Variants in PHACTR2 observed in about 807,000 individuals in gnomAD.
PHACTR2 encodes the protein phosphatase and actin regulator 2.
A neutral mutation model predicts 76.0 loss-of-function variants in PHACTR2; 30 were observed. The observed-to-expected ratio is 0.39, with a 90% CI of 0.30 to 0.54. The LOEUF (loss-of-function observed/expected upper bound fraction) is 0.54, where lower values mean the gene tolerates loss of function less well. Ranked by LOEUF, PHACTR2 falls within the 20% of genes least tolerant of loss-of-function variation. The probability of loss-of-function intolerance (pLI) is 0.61; values close to 1 mark genes in which losing one functional copy is unlikely to be tolerated. For missense variants in PHACTR2, 696 were observed against 781.1 expected (o/e 0.89, Z 1.30); for synonymous variants, 292 against 292.5 (o/e 1.00, Z 0.02).
In PHACTR2 at chr6:143,795,491, A is replaced by C. The variant is rs1177930872; in HGVS notation, c.1845+6581A>C. ...GAGCACTAGAAACAGATATATGTAC[A>C]GTAAAATAGAGATGGCCTGGTTTCC... On this transcript the variant is annotated intron_variant, in intron 11 of 12. Transcript: ENST00000440869. The surrounding 1 kb of genome is among the most constrained non-coding windows in gnomAD (Gnocchi z 4.8). Among the ~76,000 whole-genome samples the C allele has an allele frequency of 6.6e-6, 1 of 152,262 alleles. No individual in the cohort carries two copies. The highest frequency in any genetic ancestry group is 6.5e-5 in the Admixed American group (1 of 15,286).
In PHACTR2 at chr6:143,558,294, T is replaced by G. The variant is rs1212583124; in HGVS notation, c.217+21087T>G. ...TAGGTGTGAAATAATATTGTGGTTG[T>G]GTTTTAAGAAAGAGTTTTCCCCTAT... On this transcript the variant is annotated intron_variant, in intron 1 of 11. Transcript: ENST00000367584. This position sits in a 1 kb window ranked among gnomAD's most constrained non-coding sequence, Gnocchi z 4.7. 6.6e-6 allele frequency among the ~76,000 whole-genome samples: 1 copy of G among 152,194 alleles called. No homozygotes were observed. Among genetic ancestry groups the G allele is most frequent in the African/African-American group, 2.4e-5 (1 of 41,448 alleles).
chr6:143,788,401 A>T (rs1775600911), intron 10 of PHACTR2, among the ~76,000 whole-genome samples: 1 of 152,202 alleles, frequency 6.6e-6, no homozygotes, highest in South Asian at 2.1e-4. Context: ...TTTTGCCTTG[A>T]TAATTCAATC....
At chr6:143,712,585 C>T (rs191985664) in intron 2 of PHACTR2, among the ~76,000 whole-genome samples, 168 of 151,546 alleles carry the variant, frequency 1.1e-3, no homozygotes, top group South Asian at 2.1e-3. Flanking sequence ...AAATATTTAA[C>T]GATTTAACTA....
chr6:143,728,214 TTC>T (rs368740831), intron 2 of PHACTR2, among the ~76,000 whole-genome samples: 6,477 of 137,148 alleles, frequency 0.047, 406 homozygotes, highest in African/African-American at 0.13. Flanking sequence ...TTTTTTTTCT[TTC>T]TTTTTTTTTT....
rs1776811404 is a variant in PHACTR2 at position 143,654,356 on chromosome 6, A to C, written c.13+46034A>C. 6.6e-6 allele frequency among the ~76,000 whole-genome samples: 1 copy of C among 152,244 alleles called. No individual in the cohort carries two copies. Among genetic ancestry groups the C allele is most frequent in the Non-Finnish European group, 1.5e-5 (1 of 68,042 alleles). ...TACTTCTAGGTATATACCCAAAAAA[A>C]TGAAAACATATATTCACCAGAAACT... On this transcript the variant is annotated intron_variant, in intron 1 of 11. Coordinates refer to the PHACTR2 transcript ENST00000305766. This position sits in a 1 kb window ranked among gnomAD's most constrained non-coding sequence, Gnocchi z 4.6.
At position 143,690,060 on chromosome 6, in the gene PHACTR2, G is replaced by A. The variant is rs143628427; in HGVS notation, c.46+11851G>A. ...TCCATGTAATAGCAGAAATGCCAACGATAGCTAAGGCTTGTGGTAAACCAC... is the reference window on the plus strand; with the variant it reads ...TCCATGTAATAGCAGAAATGCCAACAATAGCTAAGGCTTGTGGTAAACCAC... On this transcript the variant is annotated intron_variant, in intron 1 of 12. Coordinates refer to ENST00000440869, the MANE Select transcript of PHACTR2 (RefSeq NM_001100164.2). Among the ~76,000 whole-genome samples the A allele has an allele frequency of 9.1e-3, 1,391 of 152,314 alleles. 36 individuals are homozygous for A. The highest frequency in any genetic ancestry group is 0.069 in the Admixed American group (1,055 of 15,302).
rs558535898 is a variant in PHACTR2, at chr6:143,625,961, T to C, written c.13+17639T>C. ...AGTTTCTTTCCAGTGACTGGCCATCTAAATGTGACTGGGTTACAAAATTTG... is the reference window on the plus strand; with the variant it reads ...AGTTTCTTTCCAGTGACTGGCCATCCAAATGTGACTGGGTTACAAAATTTG... On this transcript the variant is annotated intron_variant, in intron 1 of 11. Coordinates refer to the PHACTR2 transcript ENST00000305766. This position sits in a 1 kb window ranked among gnomAD's most constrained non-coding sequence, Gnocchi z 4.3. Among the ~76,000 whole-genome samples, 125 of 152,318 alleles carry C rather than the reference T, an allele frequency of 8.2e-4. No homozygotes were observed. Among genetic ancestry groups the C allele is most frequent in the African/African-American group, 3.0e-3 (124 of 41,576 alleles).
Position 143,647,279 on chromosome 6 carries a change from T to G in PHACTR2, c.13+38957T>G, listed in dbSNP as rs1776675920. On this transcript the variant is annotated intron_variant, in intron 1 of 11. Transcript: ENST00000305766. This position sits in a 1 kb window ranked among gnomAD's most constrained non-coding sequence, Gnocchi z 4.2. ...ATGAGGAAACCAAGACTCTGAAAGC[T>G]AAAAAGCTTGCTAAAGTCACGTGGC... Among the ~76,000 whole-genome samples the G allele has an allele frequency of 6.6e-6, 1 of 152,214 alleles. No homozygotes were observed. Among genetic ancestry groups the G allele is most frequent in the Admixed American group, 6.5e-5 (1 of 15,278 alleles).
rs1190390916 is a variant in PHACTR2 at position 143,803,280 on chromosome 6, G to T, written c.1846-3777G>T. On this transcript the variant is annotated intron_variant, in intron 11 of 12. Coordinates refer to ENST00000440869, the MANE Select transcript of PHACTR2 (RefSeq NM_001100164.2). The surrounding 1 kb of genome is among the most constrained non-coding windows in gnomAD (Gnocchi z 4.7). ...AATAAAATAGAGGCCGATTGCAGTG[G>T]CTCACGCCTGTAGTTCCAGCACTTT... Among the ~76,000 whole-genome samples, 1 of 152,208 alleles carries T rather than the reference G, an allele frequency of 6.6e-6. No homozygotes were observed. The highest frequency in any genetic ancestry group is 2.4e-5 in the African/African-American group (1 of 41,456).
chr6:143,612,399 G>C (rs1212732789), intron 1 of PHACTR2, among the ~76,000 whole-genome samples: 1 of 152,182 alleles, frequency 6.6e-6, no homozygotes, highest in African/African-American at 2.4e-5. Flanking sequence ...GGTGACTCAG[G>C]AGAAGGGTTA....
chr6:143,701,058 A>G (rs12525281), intron 1 of PHACTR2, among the ~76,000 whole-genome samples: 30,420 of 152,234 alleles, frequency 0.2, 3,137 homozygotes, highest in Middle Eastern at 0.28. Flanking sequence ...TGCCTACTCA[A>G]TCAGAATTTC....
chr6:143,825,317 T>C lies in PHACTR2; in HGVS notation c.*1628T>C, dbSNP rs889110092. The C allele has an allele frequency of 2.0e-5, 3 of 152,182 alleles. No homozygotes were observed. Among genetic ancestry groups the C allele is most frequent in the African/African-American group, 7.2e-5 (3 of 41,414 alleles). 9.4% of individuals were successfully genotyped at this position (152,182 alleles called of 1,614,324 possible). A position where few individuals can be genotyped will look rare whatever the true frequency, so the allele number is the denominator to read the frequency against. On this transcript the variant is annotated 3_prime_UTR_variant, in exon 13 of 13. Transcript: ENST00000440869. The surrounding 1 kb of genome is among the most constrained non-coding windows in gnomAD (Gnocchi z 4.1). The stretch of plus-strand genomic sequence containing the variant: ...TGTAGATCCTGCCATTCATTGGTAT[T>C]TTAAAGAACCACTTGAAATCGGATC...
rs188033308 is a variant in PHACTR2, at chr6:143,650,608, C to G, written c.13+42286C>G. ...AGGATTCCCTATTTAATAAATGGTG[C>G]TGGGAGAACAGGCTAGCCATACGCA... On this transcript the variant is annotated intron_variant, in intron 1 of 11. Coordinates refer to the PHACTR2 transcript ENST00000305766. Among the ~76,000 whole-genome samples, 487 of 152,226 alleles carry G rather than the reference C, an allele frequency of 3.2e-3. 1 individual carries two copies. The highest frequency in any genetic ancestry group is 4.4e-3 in the Non-Finnish European group (299 of 68,006).
intron 1 of PHACTR2, among the ~76,000 whole-genome samples, chr6:143,630,671 G>A (rs1410985622): frequency 6.6e-6 from 1 of 152,174 alleles, no homozygotes; most frequent in African/African-American, 2.4e-5. Context: ...AAATTCCTTT[G>A]TTTAATTGAA....
intron 2 of PHACTR2, among the ~76,000 whole-genome samples, chr6:143,737,620 T>C (rs571316746): frequency 6.6e-6 from 1 of 152,298 alleles, no homozygotes; most frequent in South Asian, 2.1e-4. Context: ...AAGAGCATAA[T>C]GTCTAAGTAC....
In PHACTR2 at chr6:143,741,571, G is replaced by A. The variant is rs189782962; in HGVS notation, c.215-7414G>A. The stretch of plus-strand genomic sequence containing the variant: ...GGGATAGTGGGTAGAAAATAAATAG[G>A]AAAATGTTCTCCAAGCACATAAGAA... On this transcript the variant is annotated intron_variant, in intron 2 of 12. Transcript: ENST00000440869. Among the ~76,000 whole-genome samples, 7 of 152,196 alleles carry A rather than the reference G, an allele frequency of 4.6e-5. No individual in the cohort carries two copies. In the East Asian group the frequency reaches 1.4e-3, roughly 29 times the overall value.
In PHACTR2 at chr6:143,546,268, C is replaced by G. The variant is rs2128426833; in HGVS notation, c.217+9061C>G. On this transcript the variant is annotated intron_variant, in intron 1 of 11. Coordinates refer to the PHACTR2 transcript ENST00000367584. The surrounding 1 kb of genome is among the most constrained non-coding windows in gnomAD (Gnocchi z 4.9). ...TTGGCTAAAATTTGACATTTATATGCCTTACTTTGCAGTTTCTTGATACCT... is the reference window on the plus strand; with the variant it reads ...TTGGCTAAAATTTGACATTTATATGGCTTACTTTGCAGTTTCTTGATACCT... 6.6e-6 allele frequency among the ~76,000 whole-genome samples: 1 copy of G among 152,062 alleles called. No homozygotes were observed. The highest frequency in any genetic ancestry group is 2.4e-5 in the African/African-American group (1 of 41,458).
At position 143,750,786 on chromosome 6, in the gene PHACTR2, G is replaced by A. The variant is rs1364017254; in HGVS notation, c.295+1721G>A. ...ATCTTTTTATTTAACTTTTCCAGTG[G>A]AAACTAAAAGTTTTAAAACATAAAA... On this transcript the variant is annotated intron_variant, in intron 3 of 12. Coordinates refer to ENST00000440869, the MANE Select transcript of PHACTR2 (RefSeq NM_001100164.2). The surrounding 1 kb of genome is among the most constrained non-coding windows in gnomAD (Gnocchi z 4.6). Among the ~76,000 whole-genome samples, 6 of 152,078 alleles carry A rather than the reference G, an allele frequency of 3.9e-5. No individual in the cohort carries two copies. The highest frequency in any genetic ancestry group is 1.4e-4 in the African/African-American group (6 of 41,406).
intron 11 of PHACTR2, among the ~76,000 whole-genome samples, chr6:143,799,823 A>C (rs1283198400): frequency 6.6e-6 from 1 of 152,212 alleles, no homozygotes; most frequent in African/African-American, 2.4e-5. Flanking sequence ...TTTTAGAATA[A>C]GTGCAATGTG....
Sources: gnomAD v4.1 joint callset for allele counts (sites outside exome capture counted in the v4.1 genomes callset) on GRCh38, gnomAD v4.1.1 for gene constraint, Gnocchi (gnomAD v3.1) non-coding constraint, MANE v1.5 for transcripts, NCBI Gene and HGNC (gene_info 2026-07-23, HGNC 2026-07-21) for gene names.